The following SDHB variants were observed in gnomAD, a reference collection of about 807,000 sequenced individuals.
The protein encoded by SDHB is succinate dehydrogenase [ubiquinone] iron-sulfur subunit, mitochondrial.
Under a neutral mutation model 39.7 loss-of-function variants are expected in SDHB, and 21 were observed. The ratio of observed to expected loss-of-function variants is 0.53; its 90% CI spans 0.37 to 0.76. The LOEUF (loss-of-function observed/expected upper bound fraction) is 0.76, where lower values mean the gene tolerates loss of function less well. Ranked by LOEUF, SDHB falls within the 30% of genes least tolerant of loss-of-function variation. SDHB has a pLI of 0.00. For missense variants in SDHB, 343 were observed against 350.9 expected (o/e 0.98, Z 0.18); for synonymous variants, 118 against 117.0 (o/e 1.01, Z -0.06).
At chr1:17,049,610 T>C (rs1210195957) in intron 1 of SDHB, among the ~76,000 whole-genome samples, 1 of 141,840 alleles carries the variant, frequency 7.1e-6, no homozygotes, top group Non-Finnish European at 1.5e-5. Context: ...AACCGGGCTT[T>C]AAACAGAATC....
At chr1:17,043,090 T>C (rs971100046) in intron 2 of SDHB, among the ~76,000 whole-genome samples, 4 of 146,352 alleles carry the variant, frequency 2.7e-5, no homozygotes, top group African/African-American at 7.4e-5. Context: ...GCCTCCCAAA[T>C]AGCTGGGATC....
chr1:17,052,836 G>A (rs1415406640), intron 1 of SDHB, among the ~76,000 whole-genome samples: 1 of 152,198 alleles, frequency 6.6e-6, no homozygotes, highest in African/African-American at 2.4e-5. Context: ...GTGCAAGAGA[G>A]GAAGAGGAAC....
intron 1 of SDHB, among the ~76,000 whole-genome samples, chr1:17,045,968 TTTGC>T (rs1227084453): frequency 2.0e-5 from 3 of 152,246 alleles, no homozygotes; most frequent in African/African-American, 7.2e-5. Flanking sequence ...CTTCTGTTGC[TTTGC>T]TTGTGTGTTT....
intron 2 of SDHB, among the ~76,000 whole-genome samples, chr1:17,040,080 T>G (rs2078072254): frequency 2.0e-5 from 3 of 152,204 alleles, no homozygotes; most frequent in Admixed American, 2.0e-4. Flanking sequence ...GAATCTTTTT[T>G]TCTGAACGTG....
intron 7 of SDHB, among the ~76,000 whole-genome samples, chr1:17,021,247 A>G (rs920834129): frequency 6.6e-6 from 1 of 152,222 alleles, no homozygotes; most frequent in Non-Finnish European, 1.5e-5. Context: ...GCCCTCACAA[A>G]TGGATTGCCA....
intron 2 of SDHB, among the ~76,000 whole-genome samples, chr1:17,033,763 G>A (rs940015740): frequency 1.2e-4 from 19 of 152,246 alleles, no homozygotes; most frequent in Non-Finnish European, 2.1e-4. Flanking sequence ...TTTCTGCCTA[G>A]GCATTTAATC....
chr1:17,036,738 ATATATAAATATAAATATT>A (rs1471528286), intron 2 of SDHB, among the ~76,000 whole-genome samples: 2 of 146,760 alleles, frequency 1.4e-5, no homozygotes, highest in Non-Finnish European at 3.0e-5. Context: ...ATAAATATGA[ATATATAAATATAAATATT>A]TATATAAATA....
chr1:17,037,903 G>A (rs759393307), intron 2 of SDHB, among the ~76,000 whole-genome samples: 13 of 152,092 alleles, frequency 8.5e-5, no homozygotes, highest in Non-Finnish European at 1.9e-4. Context: ...TTGGGAGGCC[G>A]AGGTGGGCAG....
intron 2 of SDHB, among the ~76,000 whole-genome samples, chr1:17,042,556 T>C (rs1390259154): frequency 3.9e-5 from 6 of 152,096 alleles, no homozygotes; most frequent in East Asian, 1.9e-4. Flanking sequence ...AATGGGTGGA[T>C]TGCTTGAGCC....
chr1:17,022,070 CTGAAG>C (rs895596903), intron 7 of SDHB, among the ~76,000 whole-genome samples: 2 of 152,138 alleles, frequency 1.3e-5, no homozygotes, highest in African/African-American at 2.4e-5. Context: ...AGGCGGGTGG[CTGAAG>C]CTGGAAGTGT....
chr1:17,041,603 A>T (rs961277077), intron 2 of SDHB, among the ~76,000 whole-genome samples: 1 of 152,150 alleles, frequency 6.6e-6, no homozygotes, highest in Admixed American at 6.5e-5. Flanking sequence ...CGGAGGTTGC[A>T]GTGAGCCAAG....
chr1:17,035,196 A>C (rs2101531232), intron 2 of SDHB, among the ~76,000 whole-genome samples: 1 of 152,338 alleles, frequency 6.6e-6, no homozygotes, highest in African/African-American at 2.4e-5. Context: ...TACATTAATA[A>C]AGGTGGCTAT....
intron 1 of SDHB, among the ~76,000 whole-genome samples, chr1:17,049,677 T>TTTTTTG (rs1009759642): frequency 1.8e-5 from 2 of 108,980 alleles, no homozygotes; most frequent in African/African-American, 6.1e-5. Context: ...TTTTTTTTTT[T>TTTTTTG]GTGAGACAGT....
intron 7 of SDHB, among the ~76,000 whole-genome samples, chr1:17,022,100 T>C (rs1190309671): frequency 6.6e-6 from 1 of 151,826 alleles, no homozygotes; most frequent in Non-Finnish European, 1.5e-5. Context: ...GGAGGCAAAA[T>C]CCAGGCCAGA....
At chr1:17,023,809 C>T (rs1235994014) in intron 6 of SDHB, among the ~76,000 whole-genome samples, 164 bp downstream of exon 6, 3 of 152,208 alleles carry the variant, frequency 2.0e-5, no homozygotes, top group African/African-American at 4.8e-5. Flanking sequence ...CCAGATTTAC[C>T]GAAAGCAAGT....
intron 2 of SDHB, among the ~76,000 whole-genome samples, chr1:17,033,677 A>G (rs1228452152): frequency 6.6e-6 from 1 of 152,230 alleles, no homozygotes; most frequent in Non-Finnish European, 1.5e-5. Flanking sequence ...TGGGACCTGG[A>G]GTGCCGGCCT....
chr1:17,048,201 C>A (rs890063949), intron 1 of SDHB, among the ~76,000 whole-genome samples: 1 of 152,310 alleles, frequency 6.6e-6, no homozygotes, highest in Non-Finnish European at 1.5e-5. Context: ...TTCTCAAATT[C>A]GGTCATTTCA....
At chr1:17,020,198 C>A (rs2077954078) in intron 7 of SDHB, among the ~76,000 whole-genome samples, 1 of 152,134 alleles carries the variant, frequency 6.6e-6, no homozygotes, top group Non-Finnish European at 1.5e-5. Context: ...CCGGTCCCCA[C>A]AGGGTCAGTA....
rs969862505 is a variant in SDHB at position 17,048,339 on chromosome 1, G to C, written c.73-3451C>G. Among the ~76,000 whole-genome samples the C allele has an allele frequency of 2.0e-5, 3 of 152,206 alleles. No homozygotes were observed. The East Asian group carries it at 5.8e-4, about 29-fold the overall frequency. On this transcript the variant is annotated intron_variant, in intron 1 of 7. Coordinates refer to ENST00000375499, the MANE Select transcript of SDHB (RefSeq NM_003000.3). The stretch of plus-strand genomic sequence containing the variant: ...CAATAGCTTTTTTCTTGTTATAGCT[G>C]AGTAGCACTCCAAGGTATCATGTAC...
Sources: allele counts gnomAD v4.1 joint callset (sites outside exome capture counted in the v4.1 genomes callset), GRCh38; gene constraint gnomAD v4.1.1; transcripts MANE v1.5; gene names NCBI Gene and HGNC (gene_info 2026-07-23, HGNC 2026-07-21).